DIXDC1: variants seen among roughly 807,000 people sequenced by gnomAD.
The protein encoded by DIXDC1 is dixin.
A neutral mutation model predicts 103.1 loss-of-function variants in DIXDC1; 64 were observed. The ratio of observed to expected loss-of-function variants is 0.62; its 90% confidence interval spans 0.51 to 0.76. DIXDC1 has a LOEUF of 0.76. DIXDC1 is among the 30% of genes least tolerant of loss of function. The pLI is 0.00. For missense variants in DIXDC1, 759 were observed against 834.2 expected (o/e 0.91, Z 1.11); for synonymous variants, 266 against 298.5 (o/e 0.89, Z 1.12).
chr11:111,994,957 A>C, intron 14 of DIXDC1, 62 bp from the exon 15 acceptor site: 1 of 1,462,226 alleles, frequency 6.8e-7, no homozygotes, highest in Non-Finnish European at 9.5e-7. Context: ...AAGAAAAATA[A>C]GATAGCACAT....
intron 1 of DIXDC1, among the ~76,000 whole-genome samples, chr11:111,955,348 A>G (rs1966887682): frequency 4.6e-5 from 7 of 151,404 alleles, no homozygotes; most frequent in Admixed American, 4.6e-4. Flanking sequence ...TCAAAAAAAA[A>G]AAAAAAAAAA....
intron 17 of DIXDC1, among the ~76,000 whole-genome samples, chr11:111,997,616 TG>T (rs1860944335): frequency 6.6e-6 from 1 of 152,248 alleles, no homozygotes; most frequent in South Asian, 2.1e-4. Flanking sequence ...TCATTTCTAT[TG>T]TTTGTAGAGG....
At chr11:112,007,412 A>G (rs1362273963) in intron 17 of DIXDC1, among the ~76,000 whole-genome samples, 2 of 152,210 alleles carry the variant, frequency 1.3e-5, no homozygotes, top group South Asian at 4.1e-4. Flanking sequence ...TACTTACCCA[A>G]TCTAGCAAGG....
intron 1 of DIXDC1, among the ~76,000 whole-genome samples, chr11:111,953,148 GAAAT>G (rs1485397200): frequency 2.0e-5 from 3 of 152,250 alleles, no homozygotes; most frequent in Non-Finnish European, 4.4e-5. Flanking sequence ...GAAAGAAAGA[GAAAT>G]AAAGGAACAT....
intron 1 of DIXDC1, among the ~76,000 whole-genome samples, chr11:111,939,045 C>A (rs1966322058): frequency 6.6e-6 from 1 of 152,360 alleles, no homozygotes; most frequent in Non-Finnish European, 1.5e-5. Flanking sequence ...CTTTGGGCTG[C>A]CCCTGGTCTT....
Position 111,998,824 on chromosome 11 carries a change from G to A in DIXDC1, c.1756+2678G>A, listed in dbSNP as rs1052360397. Among the ~76,000 whole-genome samples the A allele has an allele frequency of 1.7e-4, 26 of 152,224 alleles. No homozygotes were observed. The highest frequency in any genetic ancestry group is 6.0e-4 in the African/African-American group (25 of 41,554). ...GCTGGGATTACAGGCGTGAGCCACCGCGCCTGGCCTAGTACTATATTTTTA... is the reference window on the plus strand; with the variant it reads ...GCTGGGATTACAGGCGTGAGCCACCACGCCTGGCCTAGTACTATATTTTTA... On this transcript the variant is annotated intron_variant, in intron 17 of 19. Transcript: ENST00000440460. The surrounding 1 kb of genome is among the most constrained non-coding windows in gnomAD (Gnocchi z 4.1).
exon 2 of DIXDC1, chr11:111,929,858 G>C: frequency 6.5e-7 from 1 of 1,535,814 alleles, no homozygotes; most frequent in Admixed American, 2.0e-5. Context: ...TTGAAGATGG[G>C]GACCCAAGTG....
chr11:111,999,427 T>C (rs1860997492), intron 17 of DIXDC1, among the ~76,000 whole-genome samples: 1 of 152,192 alleles, frequency 6.6e-6, no homozygotes, highest in Non-Finnish European at 1.5e-5. Context: ...TATACAAAAG[T>C]TAACTCAGAC....
chr11:111,945,596 C>A (rs1162214158), intron 1 of DIXDC1: 3 of 148,760 alleles, frequency 2.0e-5, no homozygotes, highest in Non-Finnish European at 2.9e-5. Context: ...GGGTCATAAT[C>A]AAAATATAAT....
At chr11:111,994,516 T>C (rs1860816851) in intron 14 of DIXDC1, among the ~76,000 whole-genome samples, 2 of 151,252 alleles carry the variant, frequency 1.3e-5, no homozygotes, top group Admixed American at 1.3e-4. Context: ...TATATAACCA[T>C]ACATATATAT....
At chr11:112,005,006 T>G (rs1057300555) in intron 17 of DIXDC1, among the ~76,000 whole-genome samples, 1 of 152,144 alleles carries the variant, frequency 6.6e-6, no homozygotes, top group Admixed American at 6.5e-5. Context: ...ACGAAGCCAC[T>G]GTGAAGAGCG....
chr11:111,967,522 A>G (rs888915283), intron 2 of DIXDC1, among the ~76,000 whole-genome samples: 5 of 152,026 alleles, frequency 3.3e-5, no homozygotes, highest in Non-Finnish European at 5.9e-5. Flanking sequence ...TGCCTTGACT[A>G]TTTTCATCAT....
chr11:111,984,510 CCT>C (rs1479068404), intron 7 of DIXDC1, among the ~76,000 whole-genome samples: 1 of 152,136 alleles, frequency 6.6e-6, no homozygotes, highest in African/African-American at 2.4e-5. Context: ...CGCACTCCAA[CCT>C]GGGTGACAAA....
In DIXDC1 at chr11:112,017,734, A is replaced by G. The variant is rs1456705465; in HGVS notation, c.1863-43A>G. On this transcript the variant is annotated intron_variant, in intron 18 of 19. Coordinates refer to ENST00000440460, the MANE Select transcript of DIXDC1 (RefSeq NM_001037954.4). The surrounding 1 kb of genome is among the most constrained non-coding windows in gnomAD (Gnocchi z 4.0). ...AAGTTAACATCTTATCTTTCCAGCTATTGATCAACAGTCTATTTTAGTGCT... is the reference window on the plus strand; with the variant it reads ...AAGTTAACATCTTATCTTTCCAGCTGTTGATCAACAGTCTATTTTAGTGCT... 1.3e-6 allele frequency: 2 copies of G among 1,499,016 alleles called. No homozygotes were observed. Among genetic ancestry groups the G allele is most frequent in the Middle Eastern group, 1.7e-4 (1 of 5,804 alleles). 92.9% of individuals were successfully genotyped at this position (1,499,016 alleles called of 1,614,324 possible).
At position 111,998,575 on chromosome 11, in the gene DIXDC1, G is replaced by A. The variant is rs782507795; in HGVS notation, c.1756+2429G>A. 1.3e-5 allele frequency among the ~76,000 whole-genome samples: 2 copies of A among 151,924 alleles called. No individual in the cohort carries two copies. The highest frequency in any genetic ancestry group is 4.8e-5 in the African/African-American group (2 of 41,338). On this transcript the variant is annotated intron_variant, in intron 17 of 19. Coordinates refer to ENST00000440460, the MANE Select transcript of DIXDC1 (RefSeq NM_001037954.4). This position sits in a 1 kb window ranked among gnomAD's most constrained non-coding sequence, Gnocchi z 4.1. ...TTTATTTACTTTGAGACAGAGTCTC[G>A]CTCTGTTGCCCAGGCTGGAGTGCAA...
chr11:111,950,238 C>T (rs1310617177), intron 1 of DIXDC1, among the ~76,000 whole-genome samples: 1 of 147,782 alleles, frequency 6.8e-6, no homozygotes, highest in Non-Finnish European at 1.5e-5. Context: ...CCAATGTGAC[C>T]CAAAAAAAGA....
rs1332959673 is a variant in DIXDC1, at chr11:111,943,342, C to T, written c.60+5783C>T. Among the ~76,000 whole-genome samples, 7 of 152,118 alleles carry T rather than the reference C, an allele frequency of 4.6e-5. No homozygotes were observed. The South Asian group carries it at 1.5e-3, about 32-fold the overall frequency. ...TAGTTTTAGTAGAGACAGGGTTTCA[C>T]CATGTTGGCCAGGCTGGTCTCGAGC... On this transcript the variant is annotated intron_variant, in intron 1 of 19. Transcript: ENST00000440460.
intron 1 of DIXDC1, among the ~76,000 whole-genome samples, chr11:111,960,216 A>G (rs1169397745): frequency 6.6e-6 from 1 of 151,868 alleles, no homozygotes; most frequent in Admixed American, 6.6e-5. Flanking sequence ...GGCGAAATAC[A>G]GCATTTTGAA....
In DIXDC1 at chr11:111,977,168, CGCCCAG is replaced by C; in HGVS notation, c.656+2186_656+2191del. On this transcript the variant is annotated intron_variant, in intron 5 of 19. Coordinates refer to ENST00000440460, the MANE Select transcript of DIXDC1 (RefSeq NM_001037954.4). The surrounding 1 kb of genome is among the most constrained non-coding windows in gnomAD (Gnocchi z 6.1). ...GACGTCCCCACCCCCACCTCCACCC[CGCCCAG>C]CCCCGCCCCTGGCCCGCACCCTCAA... 60 of 761,510 alleles carry C rather than the reference CGCCCAG, an allele frequency of 7.9e-5. No individual in the cohort carries two copies. The highest frequency in any genetic ancestry group is 6.8e-4 in the Middle Eastern group (1 of 1,480). 47.2% of individuals were successfully genotyped at this position (761,510 alleles called of 1,614,324 possible).
Sources: gnomAD v4.1 joint callset for allele counts (sites outside exome capture counted in the v4.1 genomes callset) on GRCh38, gnomAD v4.1.1 for gene constraint, Gnocchi (gnomAD v3.1) non-coding constraint, MANE v1.5 for transcripts, NCBI Gene and HGNC (gene_info 2026-07-23, HGNC 2026-07-21) for gene names.